Variants in UTS2 observed in about 807,000 individuals in gnomAD.
UTS2 encodes urotensin 2, also known as urotensin-2.
A neutral mutation model predicts 12.6 loss-of-function variants in UTS2; 10 were observed. The ratio of observed to expected loss-of-function variants is 0.80; its 90% CI spans 0.49 to 1.35. The LOEUF is 1.35. UTS2 is among the 40% of genes most tolerant of loss of function. The pLI is 0.00. For synonymous variants in UTS2, 52 were observed against 50.0 expected (o/e 1.04, Z -0.17); for missense variants, 142 against 143.2 (o/e 0.99, Z 0.04).
At chr1:7,906,310 G>A in the UTS2 span, among the ~76,000 whole-genome samples, 4 of 133,470 alleles carry the variant, frequency 3.0e-5, no homozygotes, top group Non-Finnish European at 6.2e-5. Context: ...TTGAATCAAG[G>A]CACACACCTT....
the UTS2 span, among the ~76,000 whole-genome samples, chr1:7,904,903 C>CA: frequency 0.49 from 28,835 of 58,342 alleles, 8,421 homozygotes; most frequent in Non-Finnish European, 0.61. Flanking sequence ...GACTCTGTCT[C>CA]AAAAAAAAAA....
the UTS2 span, among the ~76,000 whole-genome samples, chr1:7,901,167 G>A: frequency 2.6e-5 from 4 of 152,248 alleles, no homozygotes; most frequent in South Asian, 2.1e-4. Context: ...GTCTGTTATC[G>A]CATGGTAAGC....
At chr1:7,856,252 TAA>T (rs1250170161), upstream of UTS2, among the ~76,000 whole-genome samples, 1 of 152,120 alleles carries the variant, frequency 6.6e-6, no homozygotes, top group African/African-American at 2.4e-5. Flanking sequence ...GTGAACAAAA[TAA>T]AAAGTTTCTA....
chr1:7,884,758 C>T, the UTS2 span, among the ~76,000 whole-genome samples: 1 of 152,046 alleles, frequency 6.6e-6, no homozygotes, highest in African/African-American at 2.4e-5. Flanking sequence ...CCATCTTTCG[C>T]CATCCATCCA....
the UTS2 span, among the ~76,000 whole-genome samples, chr1:7,906,391 T>G: frequency 7.0e-6 from 1 of 141,922 alleles, no homozygotes; most frequent in East Asian, 2.1e-4. Context: ...TCTCACTTTA[T>G]AGCACAGCAA....
the UTS2 span, among the ~76,000 whole-genome samples, chr1:7,907,639 T>A: frequency 9.8e-4 from 145 of 148,040 alleles, no homozygotes; most frequent in Non-Finnish European, 1.6e-3. Context: ...AGACCATGTC[T>A]CTAAAAAAAA....
the UTS2 span, among the ~76,000 whole-genome samples, chr1:7,899,722 C>T: frequency 2.3e-4 from 35 of 152,246 alleles, no homozygotes; most frequent in Admixed American, 9.8e-4. Flanking sequence ...ACTATATTAA[C>T]GTAAGAAGTT....
At chr1:7,897,987 CA>C in the UTS2 span, among the ~76,000 whole-genome samples, 1 of 152,262 alleles carries the variant, frequency 6.6e-6, no homozygotes, top group African/African-American at 2.4e-5. Context: ...TAATAGGTTA[CA>C]AGTCAACTGA....
rs2097411906 is a variant in UTS2 at position 7,849,694 on chromosome 1, G to A, written c.215-11C>T. ...TGTTGGTACTTGAGTCTGAAAAACA[G>A]TTTTGAAGCCAGTTCATCAGATCTG... On this transcript the variant is annotated splice_polypyrimidine_tract_variant and intron_variant, in intron 2 of 3. Transcript: ENST00000361696. The A allele has an allele frequency of 6.2e-7, 1 of 1,607,544 alleles. No individual in the cohort carries two copies. The highest frequency in any genetic ancestry group is 1.7e-5 in the Admixed American group (1 of 57,396).
chr1:7,873,762 T>C, the UTS2 span, among the ~76,000 whole-genome samples: 1 of 152,130 alleles, frequency 6.6e-6, no homozygotes, highest in Non-Finnish European at 1.5e-5. Flanking sequence ...CTTAGAATAT[T>C]CCGTAAACTT....
At chr1:7,874,767 A>T in the UTS2 span, among the ~76,000 whole-genome samples, 14 of 152,196 alleles carry the variant, frequency 9.2e-5, no homozygotes, top group East Asian at 3.9e-4. Flanking sequence ...CCCACGTGTC[A>T]GGGGAGGGAC....
At chr1:7,871,586 T>A in the UTS2 span, among the ~76,000 whole-genome samples, 5 of 149,352 alleles carry the variant, frequency 3.3e-5, no homozygotes, top group South Asian at 2.1e-4. Context: ...TTTTTTTTTT[T>A]AAATTGAAGG....
the UTS2 span, among the ~76,000 whole-genome samples, chr1:7,863,033 G>GTATTGTATTGTATTGTATTGTATTGTAT: frequency 3.7e-5 from 1 of 26,960 alleles, no homozygotes; most frequent in African/African-American, 1.1e-4. Context: ...GTATTGTATT[G>GTATTGTATTGTATTGTATTGTATTGTAT]TATTGTATTG....
At chr1:7,884,476 A>AT in the UTS2 span, among the ~76,000 whole-genome samples, 553 of 150,164 alleles carry the variant, frequency 3.7e-3, 3 homozygotes, top group Non-Finnish European at 4.4e-3. Flanking sequence ...TAATTTTTGC[A>AT]TTTTTTTTTA....
the UTS2 span, among the ~76,000 whole-genome samples, chr1:7,868,217 A>G: frequency 5.3e-5 from 8 of 152,116 alleles, no homozygotes; most frequent in Admixed American, 2.0e-4. Flanking sequence ...CTCCTAATGC[A>G]TGCTCCTTTC....
chr1:7,849,553 C>G, intron 3 of UTS2, 87 bp downstream of exon 3: 2 of 1,213,910 alleles, frequency 1.6e-6, no homozygotes, highest in African/African-American at 1.5e-5. Flanking sequence ...ACCAAGAACA[C>G]TCCTCTAGTT....
chr1:7,878,796 C>T, the UTS2 span, among the ~76,000 whole-genome samples: 3 of 152,004 alleles, frequency 2.0e-5, no homozygotes, highest in Non-Finnish European at 4.4e-5. Flanking sequence ...CCTGTAGACA[C>T]ATATGGACTA....
chr1:7,892,121 G>A, the UTS2 span, among the ~76,000 whole-genome samples: 4 of 152,220 alleles, frequency 2.6e-5, no homozygotes, highest in Non-Finnish European at 5.9e-5. Context: ...TGACAGCAGC[G>A]CTGCAGAACG....
At chr1:7,866,929 GCGC>G in the UTS2 span, among the ~76,000 whole-genome samples, 2 of 112,010 alleles carry the variant, frequency 1.8e-5, no homozygotes, top group Non-Finnish European at 4.2e-5. The surrounding 1 kb of genome is among the most constrained non-coding windows in gnomAD (Gnocchi z 4.5). Context: ...GAGAACAGTG[GCGC>G]CACCTTGGCT....
Sources: gnomAD v4.1 joint callset for allele counts (sites outside exome capture counted in the v4.1 genomes callset) on GRCh38, gnomAD v4.1.1 for gene constraint, Gnocchi (gnomAD v3.1) non-coding constraint, MANE v1.5 for transcripts, NCBI Gene and HGNC (gene_info 2026-07-23, HGNC 2026-07-21) for gene names.